The following NXNL1 variants were observed in gnomAD, a reference collection of about 807,000 sequenced individuals.
The protein encoded by NXNL1 is nucleoredoxin like 1.
NXNL1 carries 6 observed loss-of-function variants against 7.2 expected under a neutral mutation model. That is an observed-to-expected ratio of 0.83 (90% CI 0.46 to 1.64). The LOEUF (loss-of-function observed/expected upper bound fraction) is 1.64, where lower values mean the gene tolerates loss of function less well. NXNL1 is among the 40% of genes most tolerant of loss of function. The pLI, the probability that NXNL1 is intolerant of heterozygous loss-of-function variation, is 0.01. For missense variants in NXNL1, 308 were observed against 285.1 expected (o/e 1.08, Z -0.58); for synonymous variants, 133 against 127.2 (o/e 1.05, Z -0.31).
chr19:17,455,705 C>T lies in NXNL1; in HGVS notation c.581G>A (p.Gly194Asp). 6.5e-7 allele frequency: 1 copy of T among 1,527,038 alleles called. No individual in the cohort carries two copies. Among genetic ancestry groups the T allele is most frequent in the Non-Finnish European group, 8.7e-7 (1 of 1,142,992 alleles). The allele number at this position is 1,527,038 out of a possible 1,614,324, so 94.6% of individuals were successfully genotyped here. A position where few individuals can be genotyped will look rare whatever the true frequency, so the allele number is the denominator to read the frequency against. The stretch of plus-strand genomic sequence containing the variant: ...ACCCCCTCCCCCGGGGTCGCGCCCG[C>T]CTCGCGCCGCCTTTTCCACGCGGTA... Reference protein sequence around the residue: ...HKYRVEKAARGGRDPGGGGGE... With the variant: ...HKYRVEKAARDGRDPGGGGGE... Residue 194 changes from glycine to aspartate, a missense_variant, in exon 2 of 2, where the codon GGC becomes GAC. Gly to Asp is a moderately conservative substitution (Grantham distance 94). Coordinates refer to ENST00000301944, the MANE Select transcript of NXNL1 (RefSeq NM_138454.2).
Position 17,460,836 on chromosome 19 carries a change from G to T in NXNL1, c.34C>A (p.Arg12Ser). The change falls in exon 1 of 2, where the codon CGC becomes AGC. Residue 12 changes from arginine (R) to serine (S), a missense_variant. Transcript: ENST00000301944. ...AGCTCGTCCTGGTCGCTATTGTTGC[G>T]GATCAGGATGCGGCCAGAGAACAGG... is the stretch of plus-strand genomic sequence containing the variant. ...ASLFSGRILIRNNSDQDELDT... is the reference protein window; with the variant it reads ...ASLFSGRILISNNSDQDELDT... 6.2e-7 allele frequency: 1 copy of T among 1,613,710 alleles called. No individual in the cohort carries two copies.
chr19:17,457,228 T>G (rs1385143732), intron 1 of NXNL1, among the ~76,000 whole-genome samples: 1 of 151,932 alleles, frequency 6.6e-6, no homozygotes, highest in Admixed American at 6.6e-5. Context: ...CGAGACCCCA[T>G]CTCTCTCTAT....
chr19:17,455,698 G>GGCCC lies in NXNL1; in HGVS notation c.587_588insGGGC (p.Asp197GlyfsTer21). 7.2e-7 allele frequency: 1 copy of GGCCC among 1,392,188 alleles called. No homozygotes were observed. The highest frequency in any genetic ancestry group is 9.4e-7 in the Non-Finnish European group (1 of 1,060,928). The allele number at this position is 1,392,188 out of a possible 1,614,324, so 86.2% of individuals were successfully genotyped here. A position where few individuals can be genotyped will look rare whatever the true frequency, so the allele number is the denominator to read the frequency against. On this transcript the variant is annotated frameshift_variant, in exon 2 of 2. Transcript: ENST00000301944. LOFTEE classifies it low-confidence loss of function (END_TRUNC). ...CCTCCCCACCCCCTCCCCCGGGGTC[G>GGCCC]CGCCCGCCTCGCGCCGCCTTTTCCA... is the stretch of plus-strand genomic sequence containing the variant.
intron 1 of NXNL1, 38 bp from the exon 2 acceptor site, chr19:17,455,997 C>T (rs765070134): frequency 1.1e-5 from 17 of 1,596,280 alleles, no homozygotes; most frequent in Non-Finnish European, 1.4e-5. Flanking sequence ...GGATCCACAT[C>T]CCTGATGCTG....
chr19:17,456,067 C>A, intron 1 of NXNL1, 108 bp from the exon 2 acceptor site: 1 of 1,519,194 alleles, frequency 6.6e-7, no homozygotes, highest in Non-Finnish European at 8.8e-7. Flanking sequence ...GTGTGCACTG[C>A]CTCTTGCCGG....
chr19:17,457,208 A>T (rs2074996568), intron 1 of NXNL1, among the ~76,000 whole-genome samples: 1 of 152,032 alleles, frequency 6.6e-6, no homozygotes, highest in African/African-American at 2.4e-5. Flanking sequence ...GACCAGCTTC[A>T]GCAACATAAC....
intron 1 of NXNL1, among the ~76,000 whole-genome samples, chr19:17,458,219 TC>T (rs2074999929): frequency 2.4e-5 from 3 of 125,418 alleles, no homozygotes; most frequent in African/African-American, 2.9e-5. Flanking sequence ...TTTCTTTCTT[TC>T]TTTTTTTTTT....
chr19:17,459,607 AGGGTTTTGCCATATT>A (rs1400575660), intron 1 of NXNL1, among the ~76,000 whole-genome samples: 1 of 151,972 alleles, frequency 6.6e-6, no homozygotes, highest in African/African-American at 2.4e-5. Context: ...TAGTAGAGAC[AGGGTTTTGCCATATT>A]GGTCAGGCTA....
At chr19:17,457,456 C>G (rs1452685055) in intron 1 of NXNL1, among the ~76,000 whole-genome samples, 4 of 151,980 alleles carry the variant, frequency 2.6e-5, no homozygotes, top group Non-Finnish European at 5.9e-5. Context: ...GTGGTAACTT[C>G]AAACTCCTGG....
intron 1 of NXNL1, among the ~76,000 whole-genome samples, chr19:17,457,802 A>G (rs2074998528): frequency 1.3e-5 from 2 of 152,366 alleles, no homozygotes; most frequent in South Asian, 4.1e-4. Context: ...ATTTGTCTGC[A>G]GCTGGCGTCT....
In NXNL1 at chr19:17,455,745, G is replaced by A. The variant is rs1262478228; in HGVS notation, c.541C>T (p.Leu181=). The A allele has an allele frequency of 1.4e-6, 2 of 1,430,736 alleles. No homozygotes were observed. The highest frequency in any genetic ancestry group is 1.9e-6 in the Non-Finnish European group (2 of 1,077,812). 88.6% of individuals were successfully genotyped at this position (1,430,736 alleles called of 1,614,324 possible). ...DQEPRSLTEC[L]RRHKYRVEKA... ...TCCACGCGGTACTTGTGGCGGCGCA[G>A]GCACTCGGTGAGGCTCCGTGGCTCC... The change falls in exon 2 of 2, where the codon CTG becomes TTG. Residue 181 remains leucine, a synonymous_variant. Transcript: ENST00000301944.
At position 17,455,628 on chromosome 19, in the gene NXNL1, T is replaced by A. The variant is rs775302978; in HGVS notation, c.*19A>T. ...GAGGTTCATCAACAAACCCCACTCCTCTCCTCCACCCTAGCGGGTCAGAAC... is the reference window on the plus strand; with the variant it reads ...GAGGTTCATCAACAAACCCCACTCCACTCCTCCACCCTAGCGGGTCAGAAC... On this transcript the variant is annotated 3_prime_UTR_variant, in exon 2 of 2. Transcript: ENST00000301944. 5.9e-6 allele frequency: 8 copies of A among 1,349,936 alleles called. No individual in the cohort carries two copies. In the South Asian group the frequency reaches 1.0e-4, roughly 17 times the overall value. 83.6% of individuals were successfully genotyped at this position (1,349,936 alleles called of 1,614,324 possible).
rs1200629142 is a variant in NXNL1 at position 17,460,666 on chromosome 19, C to T, written c.204G>A (p.Leu68=). ...FVRLTDEFYV[L]RAAQLALVYV... ...ACACCAGGGCCAGCTGAGCCGCCCG[C>T]AGTACATAGAACTCATCTGTGAGCC... The change falls in exon 1 of 2, where the codon CTG becomes CTA. Residue 68 remains leucine (L), a synonymous_variant. Coordinates refer to ENST00000301944, the MANE Select transcript of NXNL1 (RefSeq NM_138454.2). 1.9e-6 allele frequency: 3 copies of T among 1,613,638 alleles called. No homozygotes were observed. The highest frequency in any genetic ancestry group is 4.5e-5 in the East Asian group (2 of 44,872).
intron 1 of NXNL1, 69 bp from the exon 2 acceptor site, chr19:17,456,028 C>A: frequency 1.3e-6 from 2 of 1,586,636 alleles, no homozygotes; most frequent in Non-Finnish European, 8.5e-7. Context: ...CCCCACATCC[C>A]TCCTCCCAGT....
At position 17,460,720 on chromosome 19, in the gene NXNL1, G is replaced by A. The variant is rs747074368; in HGVS notation, c.150C>T (p.Phe50=). ...GAGACPQCQA[F]VPILKDFFVR... ...CGAAGAAGTCCTTGAGGATGGGCACGAAGGCCTGGCACTGTGGACAAGCCC... is the reference window on the plus strand; with the variant it reads ...CGAAGAAGTCCTTGAGGATGGGCACAAAGGCCTGGCACTGTGGACAAGCCC... The change falls in exon 1 of 2, where the codon TTC becomes TTT. Residue 50 remains phenylalanine (F), a synonymous_variant. Transcript: ENST00000301944. The A allele has an allele frequency of 1.9e-6, 3 of 1,613,798 alleles. No individual in the cohort carries two copies. The highest frequency in any genetic ancestry group is 4.5e-5 in the East Asian group (2 of 44,886).
chr19:17,456,918 A>G (rs1167862258), intron 1 of NXNL1, among the ~76,000 whole-genome samples: 4 of 151,906 alleles, frequency 2.6e-5, no homozygotes, highest in East Asian at 1.9e-4. Flanking sequence ...GTGTGGTGGC[A>G]GGCGCCTGTA....
chr19:17,460,795 C>G lies in NXNL1; in HGVS notation c.75G>C (p.Glu25Asp). 6.2e-7 allele frequency: 1 copy of G among 1,613,832 alleles called. No individual in the cohort carries two copies. The change falls in exon 1 of 2, where the codon GAG becomes GAC. Residue 25 changes from glutamate to aspartate, a missense_variant. Glu to Asp is a conservative substitution (Grantham distance 45). Transcript: ENST00000301944. ...SDQDELDTEA[E>D]VSRRLENRLV... ...GCCGGTTCTCCAGCCTGCGACTGAC[C>G]TCAGCCTCCGTATCCAGCTCGTCCT...
Position 17,455,501 on chromosome 19 carries a change from C to G in NXNL1, c.*146G>C. 1.6e-6 allele frequency: 1 copy of G among 610,418 alleles called. No individual in the cohort carries two copies. The highest frequency in any genetic ancestry group is 2.9e-6 in the Non-Finnish European group (1 of 347,472). 37.8% of individuals were successfully genotyped at this position (610,418 alleles called of 1,614,324 possible). ...ATTTTCGTAGAGTCAGGGTCTCACT[C>G]TCTTGCCCAGGTTGATCTCGAACCT... is the stretch of plus-strand genomic sequence containing the variant. On this transcript the variant is annotated 3_prime_UTR_variant, in exon 2 of 2. Coordinates refer to ENST00000301944, the MANE Select transcript of NXNL1 (RefSeq NM_138454.2).
Position 17,460,884 on chromosome 19 carries a change from G to A in NXNL1, c.-15C>T. 1.2e-6 allele frequency: 2 copies of A among 1,611,634 alleles called. No homozygotes were observed. Among genetic ancestry groups the A allele is most frequent in the Non-Finnish European group, 1.7e-6 (2 of 1,179,912 alleles). ...AGGGAGGCCATGGTAACCTGGGTTG[G>A]GTGCTGGGGACAGCGCGGCGTGTGG... On this transcript the variant is annotated 5_prime_UTR_variant, in exon 1 of 2. Transcript: ENST00000301944.
Sources: gnomAD v4.1 joint callset for allele counts (sites outside exome capture counted in the v4.1 genomes callset) on GRCh38, gnomAD v4.1.1 for gene constraint, MANE v1.5 for transcripts, NCBI Gene and HGNC (gene_info 2026-07-23, HGNC 2026-07-21) for gene names.